ADGRG2: variants seen among roughly 807,000 people sequenced by gnomAD.
The protein encoded by ADGRG2 is adhesion G protein-coupled receptor G2.
Under a neutral mutation model 74.1 loss-of-function variants are expected in ADGRG2, and 26 were observed. That is an observed-to-expected ratio of 0.35 (90% confidence interval 0.26 to 0.49). The LOEUF (loss-of-function observed/expected upper bound fraction) is 0.49. Ranked by LOEUF, ADGRG2 falls within the 20% of genes least tolerant of loss-of-function variation. The pLI is 0.99. For synonymous variants in ADGRG2, 296 were observed against 295.2 expected (o/e 1.00, Z -0.03); for missense variants, 619 against 763.1 (o/e 0.81, Z 2.22).
chrX:19,089,438 A>G (rs1255494275), intron 1 of ADGRG2, among the ~76,000 whole-genome samples: 1 of 112,036 alleles, frequency 8.9e-6, no homozygotes, highest in Non-Finnish European at 1.9e-5. Context: ...AACTTAAAAT[A>G]AAAGTTAAAT....
At chrX:19,109,889 G>A (rs1280171864) in intron 1 of ADGRG2, among the ~76,000 whole-genome samples, 1 of 111,486 alleles carries the variant, frequency 9.0e-6, no homozygotes, top group African/African-American at 3.3e-5. Context: ...TTGGTAAAAT[G>A]TAATTCCCCT....
At chrX:19,120,480 C>G (rs1602158134) in intron 1 of ADGRG2, among the ~76,000 whole-genome samples, 1 of 111,937 alleles carries the variant, frequency 8.9e-6, no homozygotes, top group Non-Finnish European at 1.9e-5. Context: ...CCATGCATGC[C>G]TGGGTATGCT....
rs1309406973 is a variant in ADGRG2 at position 19,120,934 on chromosome X, C to T, written c.-47+1508G>A. ...CTAAATATTGACGTATTTAGAAAGC[C>T]AGCCAGTAGAGCTAATGCAAAGCTG... is the stretch of plus-strand genomic sequence containing the variant. On this transcript the variant is annotated intron_variant, in intron 1 of 28. Transcript: ENST00000379869. Among the ~76,000 whole-genome samples, 5 of 112,025 alleles carry T rather than the reference C, an allele frequency of 4.5e-5. No individual in the cohort carries two copies. The East Asian group carries it at 1.4e-3, about 31-fold the overall frequency.
At chrX:19,073,260 A>G (rs2061681942) in intron 2 of ADGRG2, among the ~76,000 whole-genome samples, 2 of 112,697 alleles carry the variant, frequency 1.8e-5, no homozygotes, top group Admixed American at 9.4e-5. Flanking sequence ...GGTTAGCTCA[A>G]TGCTATCCAG....
At chrX:19,099,056 C>T (rs769987857) in intron 1 of ADGRG2, among the ~76,000 whole-genome samples, 35 of 111,650 alleles carry the variant, frequency 3.1e-4, no homozygotes, top group Non-Finnish European at 4.0e-4. Context: ...TGGTAGCAGG[C>T]GCCTGTAATC....
intron 4 of ADGRG2, 104 bp downstream of exon 4, chrX:19,040,085 G>A: frequency 5.2e-6 from 3 of 582,149 alleles, no homozygotes; most frequent in Non-Finnish European, 8.7e-6. Flanking sequence ...AAGCTTCTTG[G>A]AGGAAAACAA....
chrX:18,998,106 C>T (rs1324443757), intron 26 of ADGRG2, among the ~76,000 whole-genome samples: 4 of 112,072 alleles, frequency 3.6e-5, no homozygotes, highest in African/African-American at 9.7e-5. Flanking sequence ...AAGCAGATGG[C>T]GACACACAGA....
At chrX:19,088,433 C>T (rs910170965) in intron 1 of ADGRG2, among the ~76,000 whole-genome samples, 2 of 112,317 alleles carry the variant, frequency 1.8e-5, no homozygotes, top group African/African-American at 3.2e-5. Flanking sequence ...CCATTTCCCT[C>T]TGTTTAAACT....
At chrX:19,103,637 G>C (rs1378136451) in intron 1 of ADGRG2, among the ~76,000 whole-genome samples, 1 of 111,363 alleles carries the variant, frequency 9.0e-6, no homozygotes, top group African/African-American at 3.3e-5. Context: ...TGTTTTAATA[G>C]ATGTTTTAAC....
intron 2 of ADGRG2, among the ~76,000 whole-genome samples, chrX:19,077,712 A>G (rs1171012332): frequency 9.0e-6 from 1 of 111,729 alleles, no homozygotes; most frequent in Non-Finnish European, 1.9e-5. Context: ...GCCCACACTA[A>G]TCAAAAGAAA....
Position 19,007,967 on chromosome X carries a change from GC to G in ADGRG2, c.1566+12del. ...ATAAAGCCCAAGCCAAAAGCAGTGAGCAGCAGTTTTACCTGAAACAAAGCAG... is the reference window on the plus strand; with the variant it reads ...ATAAAGCCCAAGCCAAAAGCAGTGAGAGCAGTTTTACCTGAAACAAAGCAG... On this transcript the variant is annotated intron_variant, in intron 19 of 28. Transcript: ENST00000379869. 2 of 1,195,614 alleles carry G rather than the reference GC, an allele frequency of 1.7e-6. No individual in the cohort carries two copies. Among genetic ancestry groups the G allele is most frequent in the Non-Finnish European group, 1.1e-6 (1 of 885,522 alleles).
intron 1 of ADGRG2, among the ~76,000 whole-genome samples, chrX:19,093,928 CACACACACA>C (rs1345275174): frequency 9.5e-5 from 10 of 105,345 alleles, no homozygotes; most frequent in African/African-American, 3.5e-4. Flanking sequence ...CACACACACA[CACACACACA>C]CCCCATGGAA....
intron 1 of ADGRG2, among the ~76,000 whole-genome samples, chrX:19,102,562 G>A (rs886958893): frequency 9.3e-6 from 1 of 107,169 alleles, no homozygotes; most frequent in African/African-American, 3.4e-5. Flanking sequence ...CCAAGGAAAT[G>A]AATCTCTAAT....
intron 2 of ADGRG2, among the ~76,000 whole-genome samples, chrX:19,079,625 G>A (rs1335628015): frequency 8.9e-6 from 1 of 112,282 alleles, no homozygotes; most frequent in Non-Finnish European, 1.9e-5. Flanking sequence ...TATGTTGTTT[G>A]TCAGAGCACA....
At chrX:19,042,606 G>A (rs777326679) in intron 3 of ADGRG2, among the ~76,000 whole-genome samples, 9 of 111,646 alleles carry the variant, frequency 8.1e-5, no homozygotes, top group Non-Finnish European at 1.7e-4. Flanking sequence ...CCAGAGCAGA[G>A]AAGGAAGTTT....
chrX:18,997,741 T>G (rs958953100), intron 26 of ADGRG2, among the ~76,000 whole-genome samples: 3 of 111,579 alleles, frequency 2.7e-5, no homozygotes, highest in Non-Finnish European at 5.6e-5. Flanking sequence ...TAACCTCAGG[T>G]TGGGATTTCT....
intron 1 of ADGRG2, among the ~76,000 whole-genome samples, chrX:19,095,051 C>G (rs1325159972): frequency 8.9e-6 from 1 of 112,043 alleles, no homozygotes; most frequent in African/African-American, 3.2e-5. Context: ...CCTCTGAAAA[C>G]TACGAAACTG....
chrX:19,060,848 G>A (rs1466832430), intron 3 of ADGRG2, among the ~76,000 whole-genome samples: 1 of 111,368 alleles, frequency 9.0e-6, no homozygotes, highest in Non-Finnish European at 1.9e-5. Flanking sequence ...ACACCCGGCC[G>A]AGGCAGGTGT....
intron 3 of ADGRG2, among the ~76,000 whole-genome samples, chrX:19,063,848 T>A (rs765599504): frequency 9.0e-6 from 1 of 111,388 alleles, no homozygotes; most frequent in Admixed American, 9.5e-5. Flanking sequence ...GGAAGGGGAG[T>A]TTCCCAATAG....
Sources: gnomAD v4.1 joint callset for allele counts (sites outside exome capture counted in the v4.1 genomes callset) on GRCh38, gnomAD v4.1.1 for gene constraint, MANE v1.5 for transcripts, NCBI Gene and HGNC (gene_info 2026-07-23, HGNC 2026-07-21) for gene names.